CD109: variants seen among roughly 807,000 people sequenced by gnomAD.
CD109 encodes CD109 antigen.
Under a neutral mutation model 165.8 loss-of-function variants are expected in CD109, and 149 were observed. That is an observed-to-expected ratio of 0.90 (90% CI 0.79 to 1.03). CD109 has a LOEUF of 1.03. Ranked by LOEUF, CD109 falls within the 50% of genes least tolerant of loss-of-function variation. CD109 has a pLI of 0.00. For synonymous variants in CD109, 585 were observed against 592.1 expected (o/e 0.99, Z 0.18); for missense variants, 1,712 against 1,677.8 (o/e 1.02, Z -0.36).
chr6:73,773,276 C>T (rs938240767), intron 15 of CD109, among the ~76,000 whole-genome samples: 1 of 150,918 alleles, frequency 6.6e-6, no homozygotes, highest in Non-Finnish European at 1.5e-5. Context: ...AGATTGCTTT[C>T]TCAGCTTTCT....
chr6:73,772,927 C>G (rs1405873217), intron 15 of CD109, among the ~76,000 whole-genome samples: 1 of 149,228 alleles, frequency 6.7e-6, no homozygotes, highest in Non-Finnish European at 1.5e-5. Flanking sequence ...TTTTTACAAC[C>G]AGTTGGTCAT....
At chr6:73,720,006 G>A (rs547075417) in intron 2 of CD109, among the ~76,000 whole-genome samples, 1 of 152,242 alleles carries the variant, frequency 6.6e-6, no homozygotes, top group East Asian at 1.9e-4. Flanking sequence ...TATATCCAAA[G>A]ATATGAAATC....
chr6:73,767,103 A>G, intron 13 of CD109, 93 bp downstream of exon 13: 1 of 1,015,348 alleles, frequency 9.8e-7, no homozygotes, highest in Admixed American at 2.1e-5. Flanking sequence ...GGTTTGTTAT[A>G]TAGCTAAACT....
At chr6:73,807,552 C>T (rs550046938) in intron 25 of CD109, among the ~76,000 whole-genome samples, 8 of 152,188 alleles carry the variant, frequency 5.3e-5, no homozygotes, top group South Asian at 4.2e-4. Context: ...AATGAGTATG[C>T]GTGGAAAGGT....
Position 73,766,033 on chromosome 6 carries a change from G to A in CD109, c.1211G>A (p.Gly404Glu). The change falls in exon 11 of 33, where the codon GGA becomes GAA. Residue 404 changes from glycine (G) to glutamate (E), a missense_variant. Transcript: ENST00000287097. Reference protein sequence around the residue: ...TQRNYTEYWSGSNSGNQKMEA... With the variant: ...TQRNYTEYWSESNSGNQKMEA... ...AGAAACTATACTGAGTACTGGAGCG[G>A]ATCTAACAGTGGAAATCAGAAAATG... 1.2e-6 allele frequency: 2 copies of A among 1,613,832 alleles called. No homozygotes were observed. Among genetic ancestry groups the A allele is most frequent in the Non-Finnish European group, 1.7e-6 (2 of 1,179,766 alleles).
intron 19 of CD109, 78 bp downstream of exon 19, chr6:73,783,902 T>A (rs376744383): frequency 7.4e-6 from 5 of 675,104 alleles, no homozygotes; most frequent in Non-Finnish European, 1.3e-5. Flanking sequence ...ATTTTTTTTT[T>A]AAATGACTGC....
At position 73,822,605 on chromosome 6, in the gene CD109, T is replaced by C. The variant is rs778809016; in HGVS notation, c.4163-853T>C. ...TGTCCAACTTTATTACTTTACTTAG[T>C]TGCAAAATTCCCCAATTTATATTTC... On this transcript the variant is annotated intron_variant, in intron 32 of 32. Transcript: ENST00000287097. Among the ~76,000 whole-genome samples the C allele has an allele frequency of 4.6e-5, 7 of 152,344 alleles. No homozygotes were observed. In the South Asian group the frequency reaches 6.2e-4, roughly 14 times the overall value.
At chr6:73,733,615 T>G (rs1772444378) in intron 4 of CD109, among the ~76,000 whole-genome samples, 1 of 152,176 alleles carries the variant, frequency 6.6e-6, no homozygotes. Context: ...TGCTCTGACC[T>G]CTCCATCCAG....
intron 26 of CD109, 59 bp from the exon 27 acceptor site, chr6:73,809,925 G>A: frequency 1.5e-6 from 2 of 1,331,268 alleles, no homozygotes; most frequent in South Asian, 1.3e-5. Flanking sequence ...AATATTTAAT[G>A]GTATAAAATG....
chr6:73,808,081 A>G lies in CD109; in HGVS notation c.3190-2A>G, dbSNP rs1775632965. 6.2e-7 allele frequency: 1 copy of G among 1,610,800 alleles called. No individual in the cohort carries two copies. Among genetic ancestry groups the G allele is most frequent in the African/African-American group, 1.3e-5 (1 of 74,650 alleles). On this transcript the variant is annotated splice_acceptor_variant, in intron 25 of 32. Transcript: ENST00000287097. LOFTEE classifies it high-confidence loss of function. ...TAAAAAACATACTTTTTTTCTTCCA[A>G]GCCTAACATTGATGTGCAAGAGTCT...
intron 23 of CD109, among the ~76,000 whole-genome samples, chr6:73,798,422 G>A (rs1450430191): frequency 6.6e-6 from 1 of 152,078 alleles, no homozygotes; most frequent in African/African-American, 2.4e-5. Context: ...GACCTGTTTT[G>A]TTTATGGGAT....
chr6:73,688,761 GTTTTTTTTT>G, the CD109 span, among the ~76,000 whole-genome samples: 2,735 of 73,530 alleles, frequency 0.037, 77 homozygotes, highest in African/African-American at 0.12. Flanking sequence ...GTTTTTCTTT[GTTTTTTTTT>G]TTTTTTTTTT....
intron 27 of CD109, 93 bp from the exon 28 acceptor site, chr6:73,810,899 G>A (rs1477909276): frequency 1.5e-5 from 19 of 1,250,234 alleles, no homozygotes; most frequent in South Asian, 1.5e-4. Context: ...GAAGGAAGGT[G>A]TATGAATATC....
At chr6:73,710,277 C>T (rs1490534307) in intron 2 of CD109, among the ~76,000 whole-genome samples, 3 of 152,030 alleles carry the variant, frequency 2.0e-5, no homozygotes, top group African/African-American at 7.2e-5. Flanking sequence ...CAAAAATCAC[C>T]AGCATTCTTA....
chr6:73,724,613 A>T (rs987117367), intron 3 of CD109, among the ~76,000 whole-genome samples: 161 of 135,150 alleles, frequency 1.2e-3, no homozygotes, highest in Non-Finnish European at 2.1e-3. Flanking sequence ...ATTACCTTAA[A>T]TTTTTTTTTT....
intron 2 of CD109, among the ~76,000 whole-genome samples, chr6:73,699,418 C>T (rs1233435680): frequency 1.3e-5 from 2 of 152,054 alleles, no homozygotes; most frequent in Non-Finnish European, 2.9e-5. Flanking sequence ...AGTTTTCCTG[C>T]AATGCAGAGA....
intron 3 of CD109, among the ~76,000 whole-genome samples, chr6:73,725,504 C>CTTTTTT (rs386407559): frequency 0.031 from 2,803 of 89,282 alleles, 235 homozygotes; most frequent in East Asian, 0.084. Flanking sequence ...TACTACACTT[C>CTTTTTT]TTTTTTTTTT....
chr6:73,696,223 G>C lies in CD109; in HGVS notation c.8G>C (p.Gly3Ala), dbSNP rs920184106. 17 of 1,545,464 alleles carry C rather than the reference G, an allele frequency of 1.1e-5. No individual in the cohort carries two copies. The African/African-American group carries it at 2.2e-4, about 20-fold the overall frequency. ...CAGGCAGACGCCGTCGAGATGCAGG[G>C]CCCACCGCTCCTGACCGCCGCCCAC... MQGPPLLTAAHLL... is the reference protein window; with the variant it reads MQAPPLLTAAHLL... Residue 3 changes from glycine to alanine, a missense_variant, in exon 1 of 33, where the codon GGC (glycine) becomes GCC (alanine). Transcript: ENST00000287097.
At chr6:73,680,253 G>T in the CD109 span, among the ~76,000 whole-genome samples, 181 of 151,852 alleles carry the variant, frequency 1.2e-3, no homozygotes, top group African/African-American at 4.2e-3. Flanking sequence ...AATTCTTTTT[G>T]AAGAAATCTG....
Sources: allele counts gnomAD v4.1 joint callset (sites outside exome capture counted in the v4.1 genomes callset), GRCh38; gene constraint gnomAD v4.1.1; transcripts MANE v1.5; gene names NCBI Gene and HGNC (gene_info 2026-07-23, HGNC 2026-07-21).